The following HTN3 variants were observed in gnomAD, a reference collection of about 807,000 sequenced individuals.
HTN3 encodes the protein histatin 3, also known as histatin-3.
HTN3 carries 15 observed loss-of-function variants against 10.6 expected under a neutral mutation model. That is an observed-to-expected ratio of 1.42 (90% CI 0.95 to 2.18). HTN3 has a LOEUF of 2.18. Among genes scored for constraint, HTN3 ranks in the 30% most tolerant of loss-of-function variants. HTN3 has a pLI of 0.00. For synonymous variants in HTN3, 15 were observed against 16.9 expected, an observed-to-expected ratio of 0.89 and a Z score of 0.27; for missense variants, 68 against 58.0, an observed-to-expected ratio of 1.17 and a Z score of -0.56.
intron 2 of HTN3, 152 bp downstream of exon 2, chr4:70,030,943 T>C (rs916890062): frequency 2.9e-5 from 18 of 612,616 alleles, no homozygotes; most frequent in African/African-American, 2.7e-4. Flanking sequence ...CCTATATAAG[T>C]TCTTAAAGGA....
chr4:70,029,163 A>C (rs979051547), intron 1 of HTN3, among the ~76,000 whole-genome samples: 7 of 151,964 alleles, frequency 4.6e-5, no homozygotes, highest in Admixed American at 6.6e-5. Context: ...TTGATTATCT[A>C]TGTTCATTTA....
intron 2 of HTN3, 132 bp from the exon 3 acceptor site, chr4:70,031,847 A>G (rs1312380709): frequency 1.4e-5 from 9 of 651,880 alleles, no homozygotes; most frequent in Non-Finnish European, 1.9e-5. Flanking sequence ...AAAATAACTA[A>G]TTTAGCATGT....
At chr4:70,029,965 T>TA (rs1725341007) in intron 1 of HTN3, among the ~76,000 whole-genome samples, 1 of 152,200 alleles carries the variant, frequency 6.6e-6, no homozygotes, top group South Asian at 2.1e-4. Flanking sequence ...TCACTGACTT[T>TA]ATTATAAAGA....
intron 1 of HTN3, among the ~76,000 whole-genome samples, chr4:70,029,730 C>A (rs1320231358): frequency 6.7e-6 from 1 of 149,364 alleles, no homozygotes; most frequent in Non-Finnish European, 1.5e-5. Context: ...ACTGGATTCA[C>A]TTGCATATGC....
At chr4:70,030,244 A>C (rs1725349323) in intron 1 of HTN3, among the ~76,000 whole-genome samples, 1 of 151,618 alleles carries the variant, frequency 6.6e-6, no homozygotes, top group Non-Finnish European at 1.5e-5. Context: ...TTATCTTCTT[A>C]CTCCCATTAT....
intron 5 of HTN3, among the ~76,000 whole-genome samples, chr4:70,034,979 T>C (rs1473039051): frequency 6.6e-6 from 1 of 151,976 alleles, no homozygotes; most frequent in Non-Finnish European, 1.5e-5. Flanking sequence ...GCTTCACTCA[T>C]AAGTGGGAGC....
chr4:70,032,174 A>T, intron 4 of HTN3, 67 bp downstream of exon 4: 1 of 997,494 alleles, frequency 1.0e-6, no homozygotes, highest in South Asian at 1.4e-5. Flanking sequence ...TTCTCCTAGA[A>T]TAATTGATAG....
In HTN3 at chr4:70,032,092, T is replaced by A. The variant is rs557909178; in HGVS notation, c.87T>A (p.Tyr29Ter). Residue 29 changes from tyrosine to a stop codon, truncating the protein, a stop_gained, in exon 4 of 6, where the codon TAT (tyrosine) becomes TAA (stop). Coordinates refer to ENST00000673563, the MANE Select transcript of HTN3 (RefSeq NM_000200.3). LOFTEE classifies it high-confidence loss of function. Reference protein sequence around the residue: ...ADSHAKRHHGYKRKFHEKHHS... With the variant: ...ADSHAKRHHG ...TTATTTCATAGAGACATCATGGGTA[T>A]AAAAGAAAATTCCATGTAAGTGTTC... is the stretch of plus-strand genomic sequence containing the variant. 116 of 1,526,446 alleles carry A rather than the reference T, an allele frequency of 7.6e-5. No homozygotes were observed. Among genetic ancestry groups the A allele is most frequent in the Non-Finnish European group, 9.6e-5 (106 of 1,107,330 alleles). The allele number at this position is 1,526,446 out of a possible 1,614,324, so 94.6% of individuals were successfully genotyped here.
At chr4:70,028,556 T>C (rs1725297388) in intron 1 of HTN3, 40 bp downstream of exon 1, 1 of 152,170 alleles carries the variant, frequency 6.6e-6, no homozygotes, top group Admixed American at 6.6e-5. Context: ...TATATTAGCA[T>C]AAGCTTTTGT....
In HTN3 at chr4:70,029,128, G is replaced by A. The variant is rs1201548415; in HGVS notation, c.-14+612G>A. ...TATTATTGATTTACTCGGGAAATAT[G>A]TTTTTCAAAACTATTAATTATACAT... On this transcript the variant is annotated intron_variant, in intron 1 of 5. Transcript: ENST00000673563. Among the ~76,000 whole-genome samples the A allele has an allele frequency of 3.3e-5, 5 of 151,812 alleles. No homozygotes were observed. The East Asian group carries it at 7.7e-4, about 23-fold the overall frequency.
At chr4:70,030,692 A>C in intron 1 of HTN3, 36 bp from the exon 2 acceptor site, 2 of 1,341,304 alleles carry the variant, frequency 1.5e-6, no homozygotes, top group Non-Finnish European at 2.1e-6. Flanking sequence ...TGCATGAAAG[A>C]ATGTGATTAC....
chr4:70,032,676 T>A (rs1283165250), intron 4 of HTN3, among the ~76,000 whole-genome samples: 1 of 152,076 alleles, frequency 6.6e-6, no homozygotes, highest in African/African-American at 2.4e-5. Context: ...AAAAAAGCAC[T>A]AAGTAAAATG....
chr4:70,028,755 T>C lies in HTN3; in HGVS notation c.-14+239T>C, dbSNP rs193095765. Among the ~76,000 whole-genome samples the C allele has an allele frequency of 5.3e-5, 8 of 152,266 alleles. No homozygotes were observed. The East Asian group carries it at 1.5e-3, about 29-fold the overall frequency. On this transcript the variant is annotated intron_variant, in intron 1 of 5. Coordinates refer to ENST00000673563, the MANE Select transcript of HTN3 (RefSeq NM_000200.3). ...TGGCAATGTATTACATCCTCGCTGA[T>C]GGTGGGACCTCAATGAACTCTTTTT...
chr4:70,035,953 A>T (rs527355971), intron 5 of HTN3, among the ~76,000 whole-genome samples: 2 of 152,312 alleles, frequency 1.3e-5, no homozygotes, highest in African/African-American at 2.4e-5. Context: ...TAGGTAAAAT[A>T]TTATTTGAGG....
intron 2 of HTN3, 100 bp from the exon 3 acceptor site, chr4:70,031,879 A>G (rs527263576): frequency 1.2e-6 from 1 of 814,096 alleles, no homozygotes; most frequent in South Asian, 1.6e-5. Context: ...GAATGCCTCC[A>G]TTCTATTTAA....
chr4:70,029,735 A>G (rs369386880), intron 1 of HTN3, among the ~76,000 whole-genome samples: 114 of 152,190 alleles, frequency 7.5e-4, no homozygotes, highest in Non-Finnish European at 4.6e-4. Flanking sequence ...ATTCACTTGC[A>G]TATGCATAAT....
chr4:70,030,359 C>G (rs1036715253), intron 1 of HTN3, among the ~76,000 whole-genome samples: 2 of 152,122 alleles, frequency 1.3e-5, no homozygotes, highest in Non-Finnish European at 2.9e-5. Flanking sequence ...ATGCCCTGGG[C>G]TCACACCGAA....
chr4:70,033,406 T>C, intron 5 of HTN3, 153 bp downstream of exon 5: 1 of 511,460 alleles, frequency 2.0e-6, no homozygotes, highest in Non-Finnish European at 3.4e-6. Flanking sequence ...TTTATATAGA[T>C]GCTTCTGACT....
At chr4:70,030,255 C>T (rs1725349970) in intron 1 of HTN3, among the ~76,000 whole-genome samples, 1 of 152,120 alleles carries the variant, frequency 6.6e-6, no homozygotes, top group African/African-American at 2.4e-5. Flanking sequence ...CTCCCATTAT[C>T]TTGGTCTATT....
Sources: gnomAD v4.1 joint callset for allele counts (sites outside exome capture counted in the v4.1 genomes callset) on GRCh38, gnomAD v4.1.1 for gene constraint, MANE v1.5 for transcripts, NCBI Gene and HGNC (gene_info 2026-07-23, HGNC 2026-07-21) for gene names.